Variants in LMO7 observed in about 807,000 individuals in gnomAD.
The protein encoded by LMO7 is LIM domain 7.
LMO7 carries 120 observed loss-of-function variants against 206.5 expected under a neutral mutation model. The ratio of observed to expected loss-of-function variants is 0.58; its 90% CI spans 0.50 to 0.68. LMO7 has a LOEUF of 0.68. LMO7 is among the 30% of genes least tolerant of loss of function. LMO7 has a pLI of 0.00. For missense variants in LMO7, 1,959 were observed against 1,957.9 expected (o/e 1.00, Z -0.01); for synonymous variants, 706 against 681.5 (o/e 1.04, Z -0.56).
intron 11 of LMO7, among the ~76,000 whole-genome samples, chr13:75,814,880 A>G (rs2056812899): frequency 6.6e-6 from 1 of 152,128 alleles, no homozygotes. Flanking sequence ...TAGTAGGGGG[A>G]AAAGCAGGAG....
intron 4 of LMO7, among the ~76,000 whole-genome samples, chr13:75,784,488 A>T (rs1011400476): frequency 2.0e-5 from 3 of 152,206 alleles, no homozygotes; most frequent in Non-Finnish European, 2.9e-5. Context: ...AGAATAATTT[A>T]TTTTTAAGTA....
At chr13:75,852,533 A>G (rs73229903) in intron 27 of LMO7, among the ~76,000 whole-genome samples, 1,694 of 152,348 alleles carry the variant, frequency 0.011, 20 homozygotes, top group Non-Finnish European at 0.016. Context: ...AGGTTGATTG[A>G]CTATGAAACA....
intron 1 of LMO7, among the ~76,000 whole-genome samples, chr13:75,662,927 C>G (rs1305037474): frequency 6.6e-6 from 1 of 152,130 alleles, no homozygotes; most frequent in Non-Finnish European, 1.5e-5. Flanking sequence ...CTGATTCTTT[C>G]AGAAACCCTC....
intron 1 of LMO7, among the ~76,000 whole-genome samples, chr13:75,681,718 G>GTATATATATATGTATATATATA (rs2040515361): frequency 9.6e-6 from 1 of 104,578 alleles, no homozygotes; most frequent in African/African-American, 3.4e-5. Flanking sequence ...ATATATATAT[G>GTATATATATATGTATATATATA]TATATATATA....
Position 75,821,350 on chromosome 13 carries a change from A to G in LMO7, c.2381A>G (p.Asp794Gly), listed in dbSNP as rs200351536. The change falls in exon 14 of 31, where the codon GAT becomes GGT. Residue 794 changes from aspartate to glycine, a missense_variant. Transcript: ENST00000377534. ...TATCCTTCAGAAATTCCCAAAGAAG[A>G]TTCTACCACTTTTGCAAAAAGAGAG... ...ATYPSEIPKE[D>G]STTFAKREDR... The G allele has an allele frequency of 2.6e-4, 424 of 1,614,208 alleles. 3 individuals are homozygous for G. In the East Asian group the frequency reaches 9.4e-3, roughly 36 times the overall value.
At chr13:75,737,456 A>T (rs668694) in intron 3 of LMO7, among the ~76,000 whole-genome samples, 68,992 of 144,212 alleles carry the variant, frequency 0.48, 16,520 homozygotes, top group East Asian at 0.61. Context: ...TACCTTTTTT[A>T]AAAAAAAAAA....
chr13:75,833,470 C>T (rs776139204), intron 16 of LMO7, among the ~76,000 whole-genome samples: 27 of 152,246 alleles, frequency 1.8e-4, no homozygotes, highest in Non-Finnish European at 3.5e-4. Flanking sequence ...AGTAAAGATT[C>T]AGAAAGAGCT....
At position 75,855,251 on chromosome 13, in the gene LMO7, T is replaced by C. The variant is rs376559722; in HGVS notation, c.4662-9T>C. On this transcript the variant is annotated splice_polypyrimidine_tract_variant and intron_variant, in intron 28 of 30. Coordinates refer to ENST00000377534, the MANE Select transcript of LMO7 (RefSeq NM_001306080.2). ...GAAAGCCTCCATTCCATTCTTGTTC[T>C]GCATCTAGGTCAGTCAGTGGGAAGC... 122 of 1,584,078 alleles carry C rather than the reference T, an allele frequency of 7.7e-5. No homozygotes were observed. The Middle Eastern group carries it at 8.3e-4, about 11-fold the overall frequency.
Position 75,624,725 on chromosome 13 carries a change from A to G in LMO7, c.225+1405A>G, listed in dbSNP as rs117581693. On this transcript the variant is annotated intron_variant, in intron 2 of 29. Coordinates refer to the LMO7 transcript ENST00000341547. ...GCAGGAAACTCCCGTTTTTAAAACCATCATATCTTGTGAGACTTACTATCA... is the reference window on the plus strand; with the variant it reads ...GCAGGAAACTCCCGTTTTTAAAACCGTCATATCTTGTGAGACTTACTATCA... Among the ~76,000 whole-genome samples, 985 of 152,322 alleles carry G rather than the reference A, an allele frequency of 6.5e-3. 3 individuals are homozygous for G. Among genetic ancestry groups the G allele is most frequent in the Middle Eastern group, 0.014 (4 of 294 alleles).
Position 75,665,701 on chromosome 13 carries a change from A to G in LMO7, c.69+28975A>G, listed in dbSNP as rs1053643036. Among the ~76,000 whole-genome samples the G allele has an allele frequency of 2.0e-5, 3 of 151,922 alleles. No individual in the cohort carries two copies. The South Asian group carries it at 6.2e-4, about 32-fold the overall frequency. On this transcript the variant is annotated intron_variant, in intron 1 of 30. Transcript: ENST00000377534. ...GCCACCATGCCCGGCTAATTTTTGT[A>G]CTTTTAGTAGAGACAGGGTTTCACC...
chr13:75,800,835 C>G lies in LMO7; in HGVS notation c.614C>G (p.Ser205Ter). The stretch of plus-strand genomic sequence containing the variant: ...AGCTTGGACTCTTTGGGCTCGAGGT[C>G]ATTGACAAGCTGCTCCTCTGATATC... ...FESLDSLGSRSLTSCSSDITL... is the reference protein window; with the variant it reads ...FESLDSLGSR The change falls in exon 7 of 31, where the codon TCA (serine) becomes TGA (stop). Residue 205 changes from serine (S) to a stop codon, truncating the protein, a stop_gained. Coordinates refer to ENST00000377534, the MANE Select transcript of LMO7 (RefSeq NM_001306080.2). LOFTEE classifies it high-confidence loss of function. 1.2e-6 allele frequency: 2 copies of G among 1,613,976 alleles called. No homozygotes were observed. Among genetic ancestry groups the G allele is most frequent in the Non-Finnish European group, 1.7e-6 (2 of 1,179,938 alleles).
At chr13:75,779,841 A>T (rs2051050682) in intron 4 of LMO7, among the ~76,000 whole-genome samples, 3 of 152,168 alleles carry the variant, frequency 2.0e-5, no homozygotes, top group African/African-American at 7.2e-5. Flanking sequence ...CAATATTTCA[A>T]TGTAGGTTCT....
intron 1 of LMO7, among the ~76,000 whole-genome samples, chr13:75,687,113 A>G (rs1443821871): frequency 2.0e-5 from 3 of 152,296 alleles, no homozygotes; most frequent in Non-Finnish European, 2.9e-5. Context: ...GGGATACACT[A>G]TGGATTCTCC....
At chr13:75,822,831 T>C (rs897364266) in intron 14 of LMO7, among the ~76,000 whole-genome samples, 11 of 142,428 alleles carry the variant, frequency 7.7e-5, no homozygotes, top group African/African-American at 2.8e-4. Flanking sequence ...ATAAAATATA[T>C]ATATATATAT....
At chr13:75,627,621 A>ATG (rs2034377012) in intron 2 of LMO7, 1 of 152,142 alleles carries the variant, frequency 6.6e-6, no homozygotes, top group Non-Finnish European at 1.5e-5. Context: ...ACACAAATAA[A>ATG]TGTATTTTAG....
chr13:75,708,967 G>T (rs1288744631), intron 1 of LMO7, among the ~76,000 whole-genome samples: 1 of 151,748 alleles, frequency 6.6e-6, no homozygotes, highest in Non-Finnish European at 1.5e-5. Context: ...CCCACAACAG[G>T]CCCCGGTGTG....
In LMO7 at chr13:75,679,307, T is replaced by C. The variant is rs987819281; in HGVS notation, c.70-33875T>C. On this transcript the variant is annotated intron_variant, in intron 1 of 30. Transcript: ENST00000377534. ...TATAATGATGACCCCAAAACTGCCA[T>C]GTTTCATGTGTCTCACTCATCCAGA... 4.6e-5 allele frequency among the ~76,000 whole-genome samples: 7 copies of C among 152,226 alleles called. 1 individual carries two copies. The highest frequency in any genetic ancestry group is 4.6e-4 in the Admixed American group (7 of 15,284).
rs759398873 is a variant in LMO7, at chr13:75,636,614, C to T, written c.-44C>T. 9.7e-6 allele frequency: 15 copies of T among 1,548,432 alleles called. No individual in the cohort carries two copies. Among genetic ancestry groups the T allele is most frequent in the Non-Finnish European group, 1.2e-5 (14 of 1,147,686 alleles). ...CCAGACGCGCGGGGACAACCCCTCC[C>T]CTCCACGCATCCCGAGTCTCTCTCT... On this transcript the variant is annotated 5_prime_UTR_variant, in exon 1 of 31. Transcript: ENST00000377534.
intron 26 of LMO7, among the ~76,000 whole-genome samples, chr13:75,847,264 G>A (rs1454000218): frequency 6.6e-6 from 1 of 152,134 alleles, no homozygotes; most frequent in Non-Finnish European, 1.5e-5. Context: ...ATTAAGGTGG[G>A]AATGATACGT....
Sources: gnomAD v4.1 joint callset for allele counts (sites outside exome capture counted in the v4.1 genomes callset) on GRCh38, gnomAD v4.1.1 for gene constraint, MANE v1.5 for transcripts, NCBI Gene and HGNC (gene_info 2026-07-23, HGNC 2026-07-21) for gene names.